LARP7: variants seen among roughly 807,000 people sequenced by gnomAD.
LARP7 encodes la-related protein 7.
LARP7 carries 52 observed loss-of-function variants against 69.3 expected under a neutral mutation model. That is an observed-to-expected ratio of 0.75 (90% CI 0.60 to 0.95). The LOEUF (loss-of-function observed/expected upper bound fraction) is 0.95. LARP7 is among the 40% of genes least tolerant of loss of function. LARP7 has a pLI of 0.00. For missense variants in LARP7, 733 were observed against 673.0 expected, an observed-to-expected ratio of 1.09 and a Z score of -0.99; for synonymous variants, 254 against 215.9, an observed-to-expected ratio of 1.18 and a Z score of -1.55.
At chr4:112,641,708 TCAG>T (rs1247963877) in intron 1 of LARP7, among the ~76,000 whole-genome samples, 1 of 152,238 alleles carries the variant, frequency 6.6e-6, no homozygotes, top group East Asian at 1.9e-4. Flanking sequence ...TTTTGCCTTT[TCAG>T]CAATTTTGTA....
At position 112,646,248 on chromosome 4, in the gene LARP7, G is replaced by C. The variant is rs189363246; in HGVS notation, c.203-103G>C. The C allele has an allele frequency of 2.8e-4, 160 of 578,708 alleles. 1 individual carries two copies. The Middle Eastern group carries it at 6.2e-3, about 23-fold the overall frequency. 35.8% of individuals were successfully genotyped at this position (578,708 alleles called of 1,614,324 possible). On this transcript the variant is annotated intron_variant, in intron 2 of 12. Coordinates refer to ENST00000344442, the MANE Select transcript of LARP7 (RefSeq NM_016648.4). ...GCCTCCCAAAGTACTAGGATTACAG[G>C]CATGAGCCACCGAGCCTGAGGGCCT...
chr4:112,651,351 G>A lies in LARP7; in HGVS notation c.1416+769G>A, dbSNP rs527385726. On this transcript the variant is annotated intron_variant, in intron 10 of 12. Coordinates refer to ENST00000344442, the MANE Select transcript of LARP7 (RefSeq NM_016648.4). The stretch of plus-strand genomic sequence containing the variant: ...GTAAGCCCTCCTTATCTGAAATACT[G>A]TCCTACAATCCTATAGCTGTCACTA... 7.2e-5 allele frequency among the ~76,000 whole-genome samples: 11 copies of A among 152,186 alleles called. No individual in the cohort carries two copies. In the South Asian group the frequency reaches 2.3e-3, roughly 32 times the overall value.
At chr4:112,638,253 G>T (rs112594590) in intron 1 of LARP7, among the ~76,000 whole-genome samples, 5,438 of 152,222 alleles carry the variant, frequency 0.036, 318 homozygotes, top group African/African-American at 0.12. Flanking sequence ...CCGGGATCGC[G>T]CCACTGCACT....
chr4:112,639,283 C>T (rs2047858262), intron 1 of LARP7, among the ~76,000 whole-genome samples: 1 of 149,916 alleles, frequency 6.7e-6, no homozygotes, highest in African/African-American at 2.5e-5. Flanking sequence ...GATCTCGGCT[C>T]GCTGCAAGCT....
chr4:112,643,734 C>T (rs1050833944), intron 1 of LARP7, among the ~76,000 whole-genome samples: 4 of 152,012 alleles, frequency 2.6e-5, no homozygotes, highest in Non-Finnish European at 4.4e-5. Context: ...GCCTGTATTC[C>T]CAGCTACTTG....
chr4:112,647,478 G>C lies in LARP7; in HGVS notation c.926G>C (p.Arg309Pro). The stretch of plus-strand genomic sequence containing the variant: ...GAAGATGCAGAATCCCTAGCTCCCC[G>C]ATCAAAAGTAAAGAAAATTATTCAG... ...SSEDAESLAPRSKVKKIIQKD... is the reference protein window; with the variant it reads ...SSEDAESLAPPSKVKKIIQKD... Residue 309 changes from arginine to proline, a missense_variant, in exon 7 of 13, where the codon CGA becomes CCA. Physicochemically the swap from Arg to Pro is moderately radical, Grantham distance 103. Transcript: ENST00000344442. 1 of 1,613,576 alleles carries C rather than the reference G, an allele frequency of 6.2e-7. No individual in the cohort carries two copies. The highest frequency in any genetic ancestry group is 8.5e-7 in the Non-Finnish European group (1 of 1,179,806).
intron 12 of LARP7, chr4:112,654,865 C>G (rs1315001662): frequency 3.3e-5 from 5 of 152,030 alleles, no homozygotes; most frequent in African/African-American, 1.2e-4. Context: ...ATATTAACTA[C>G]AGTCATCAAA....
At chr4:112,638,798 A>G (rs972815492) in intron 1 of LARP7, among the ~76,000 whole-genome samples, 2 of 152,200 alleles carry the variant, frequency 1.3e-5, no homozygotes, top group Non-Finnish European at 2.9e-5. Context: ...TAAGCAACCC[A>G]TGACTGTGCT....
rs2048998251 is a variant in LARP7 at position 112,657,358 on chromosome 4, A to T, written c.*31A>T. 2.5e-6 allele frequency: 3 copies of T among 1,179,392 alleles called. No homozygotes were observed. The highest frequency in any genetic ancestry group is 3.6e-6 in the Non-Finnish European group (3 of 826,636). The allele number at this position is 1,179,392 out of a possible 1,614,324, so 73.1% of individuals were successfully genotyped here. A position where few individuals can be genotyped will look rare whatever the true frequency, so the allele number is the denominator to read the frequency against. On this transcript the variant is annotated 3_prime_UTR_variant, in exon 13 of 13. Coordinates refer to ENST00000344442, the MANE Select transcript of LARP7 (RefSeq NM_016648.4). ...AAAACAGTTCACCTCTTAATACTTCACAAGATACTTGAGCTGTTCTTGGGA... is the reference window on the plus strand; with the variant it reads ...AAAACAGTTCACCTCTTAATACTTCTCAAGATACTTGAGCTGTTCTTGGGA...
chr4:112,647,132 G>C lies in LARP7; in HGVS notation c.646+5G>C, dbSNP rs1554011529. 1 of 1,601,712 alleles carries C rather than the reference G, an allele frequency of 6.2e-7. No homozygotes were observed. Among genetic ancestry groups the C allele is most frequent in the Non-Finnish European group, 8.5e-7 (1 of 1,177,208 alleles). On this transcript the variant is annotated splice_donor_5th_base_variant and intron_variant, in intron 6 of 12. Coordinates refer to ENST00000344442, the MANE Select transcript of LARP7 (RefSeq NM_016648.4). ...TTCCAGCCTTAAGAGTTGTGGGTGA[G>C]TATTTTTCAATATTTAAATAGGTGT...
chr4:112,648,406 A>G, intron 8 of LARP7: 1 of 534,726 alleles, frequency 1.9e-6, no homozygotes, highest in South Asian at 1.4e-5. Context: ...TTCACACAGC[A>G]GGTACCCCCA....
Position 112,647,345 on chromosome 4 carries a change from T to A in LARP7, c.793T>A (p.Ser265Thr). Residue 265 changes from serine to threonine, a missense_variant, in exon 7 of 13, where the codon TCC (serine) becomes ACC (threonine). By Grantham distance (58) the Ser-to-Thr change is moderately conservative. Transcript: ENST00000344442. ...RPTSEGSDIE[S>T]TEPQKQCSKK... ...CACATCTGAGGGCTCTGACATTGAG[T>A]CCACTGAACCCCAAAAGCAGTGCTC... The A allele has an allele frequency of 6.2e-7, 1 of 1,613,832 alleles. No homozygotes were observed. The highest frequency in any genetic ancestry group is 8.5e-7 in the Non-Finnish European group (1 of 1,179,964).
At chr4:112,644,503 A>T in intron 1 of LARP7, 165 bp from the exon 2 acceptor site, 2 of 1,092,454 alleles carry the variant, frequency 1.8e-6, no homozygotes, top group Non-Finnish European at 2.4e-6. Flanking sequence ...ATTATTTTTA[A>T]ATTTAATTTA....
Position 112,647,512 on chromosome 4 carries a change from C to T in LARP7, c.960C>T (p.Ile320=), listed in dbSNP as rs757156044. 70 of 1,612,200 alleles carry T rather than the reference C, an allele frequency of 4.3e-5. No individual in the cohort carries two copies. Among genetic ancestry groups the T allele is most frequent in the Middle Eastern group, 1.6e-4 (1 of 6,076 alleles). Reference sequence around the variant, plus strand: ...TAAAGAAAATTATTCAGAAAGACATCATTAAGGAAGCATCAGAAGCTTCCA... The same window carrying T: ...TAAAGAAAATTATTCAGAAAGACATTATTAAGGAAGCATCAGAAGCTTCCA... ...SKVKKIIQKD[I]IKEASEASKE... is the part of the protein sequence containing the mutation. Residue 320 remains isoleucine, a synonymous_variant, in exon 7 of 13, where the codon ATC becomes ATT. Coordinates refer to ENST00000344442, the MANE Select transcript of LARP7 (RefSeq NM_016648.4).
rs370933892 is a variant in LARP7 at position 112,645,995 on chromosome 4, GT to G, written c.203-347del. ...GCAATGCCATTTAGACCCTCATACA[GT>G]TTTTTTTTGTTTGTTTTGTTTGAGT... On this transcript the variant is annotated intron_variant, in intron 2 of 12. Coordinates refer to ENST00000344442, the MANE Select transcript of LARP7 (RefSeq NM_016648.4). 3.2e-3 allele frequency among the ~76,000 whole-genome samples: 432 copies of G among 134,090 alleles called. 5 individuals carry two copies. Among genetic ancestry groups the G allele is most frequent in the Middle Eastern group, 3.8e-3 (1 of 262 alleles). The allele number at this position is 134,090 out of a possible 152,430, so 88.0% of individuals were successfully genotyped here. A position where few individuals can be genotyped will look rare whatever the true frequency, so the allele number is the denominator to read the frequency against.
intron 7 of LARP7, 31 bp downstream of exon 7, chr4:112,647,580 CTAAT>C (rs748605983): frequency 8.3e-6 from 11 of 1,318,932 alleles, no homozygotes; most frequent in East Asian, 5.0e-5. Context: ...TTAGATAAAA[CTAAT>C]TAATTTTAAT....
intron 2 of LARP7, among the ~76,000 whole-genome samples, chr4:112,645,388 A>T (rs1279782777): frequency 1.3e-5 from 2 of 152,186 alleles, no homozygotes; most frequent in Admixed American, 6.5e-5. Context: ...AGCAATTTCA[A>T]ATCAAAGCTT....
intron 12 of LARP7, 91 bp downstream of exon 12, chr4:112,654,250 T>C (rs2048871059): frequency 1.1e-6 from 1 of 896,242 alleles, no homozygotes; most frequent in Non-Finnish European, 1.8e-6. Flanking sequence ...ATGATCGTAG[T>C]TTTGCTATTA....
Position 112,646,438 on chromosome 4 carries a change from C to T in LARP7, c.290C>T (p.Ser97Leu). 1 of 1,596,530 alleles carries T rather than the reference C, an allele frequency of 6.3e-7. No homozygotes were observed. The highest frequency in any genetic ancestry group is 1.7e-5 in the Admixed American group (1 of 59,600). The change falls in exon 3 of 13, where the codon TCA becomes TTA. Residue 97 changes from serine to leucine, a missense_variant. Coordinates refer to ENST00000344442, the MANE Select transcript of LARP7 (RefSeq NM_016648.4). ...GKLIARALRS[S>L]AVVELDLEGT... ...TTAATTGCCAGAGCATTGAGAAGTT[C>T]AGCTGTTGTAGAGGTAAGAATCAAG... is the stretch of plus-strand genomic sequence containing the variant.
Sources: gnomAD v4.1 joint callset for allele counts (sites outside exome capture counted in the v4.1 genomes callset) on GRCh38, gnomAD v4.1.1 for gene constraint, MANE v1.5 for transcripts, NCBI Gene and HGNC (gene_info 2026-07-23, HGNC 2026-07-21) for gene names.